The following MYCBP2 variants were observed in gnomAD, a reference collection of about 807,000 sequenced individuals.
MYCBP2 encodes the protein MYC binding protein 2, also known as E3 ubiquitin-protein ligase MYCBP2.
MYCBP2 carries 120 observed loss-of-function variants against 525.3 expected under a neutral mutation model. The ratio of observed to expected loss-of-function variants is 0.23; its 90% CI spans 0.20 to 0.27. The LOEUF (loss-of-function observed/expected upper bound fraction) is 0.27. Ranked by LOEUF, MYCBP2 falls within the 10% of genes least tolerant of loss-of-function variation. The probability of loss-of-function intolerance (pLI) is 1.00; values close to 1 mark genes in which losing one functional copy is unlikely to be tolerated. For synonymous variants in MYCBP2, 1,894 were observed against 1,955.8 expected (o/e 0.97, Z 0.83); for missense variants, 4,149 against 5,657.1 (o/e 0.73, Z 8.55).
At chr13:77,243,329 C>T (rs917882938) in intron 16 of MYCBP2, among the ~76,000 whole-genome samples, 169 bp from the exon 17 acceptor site, 6 of 152,188 alleles carry the variant, frequency 3.9e-5, no homozygotes, top group African/African-American at 1.2e-4. Context: ...GAATCTCATT[C>T]TGGCTAGGCA....
chr13:77,110,500 C>A (rs1436482377), intron 55 of MYCBP2, among the ~76,000 whole-genome samples: 2 of 152,128 alleles, frequency 1.3e-5, no homozygotes, highest in Non-Finnish European at 2.9e-5. Flanking sequence ...TAATTTTGCC[C>A]TCTGCCTTGT....
intron 47 of MYCBP2, 56 bp from the exon 48 acceptor site, chr13:77,146,273 T>C: frequency 8.2e-7 from 1 of 1,219,558 alleles, no homozygotes; most frequent in Non-Finnish European, 1.2e-6. Flanking sequence ...ACATTCTCAA[T>C]TAACAGAGTA....
chr13:77,178,599 T>C (rs2059934526), intron 34 of MYCBP2, among the ~76,000 whole-genome samples: 1 of 152,248 alleles, frequency 6.6e-6, no homozygotes, highest in East Asian at 1.9e-4. Flanking sequence ...GAACTTACTT[T>C]GGGTTGAAAT....
In MYCBP2 at chr13:77,288,291, C is replaced by T; in HGVS notation, c.464G>A (p.Arg155His). 1 of 1,614,076 alleles carries T rather than the reference C, an allele frequency of 6.2e-7. No homozygotes were observed. The highest frequency in any genetic ancestry group is 8.5e-7 in the Non-Finnish European group (1 of 1,179,986). The stretch of plus-strand genomic sequence containing the variant: ...TTTCTGCCATTCCAGAACGCAATGG[C>T]GTACATTACAGTAAATATTGAAAGC... ...PSAFNIYCNV[R>H]HCVLEWQKKE... Residue 155 changes from arginine (R) to histidine (H), a missense_variant, in exon 3 of 83, where the codon CGC (arginine) becomes CAC (histidine). Physicochemically the swap from Arg to His is conservative, Grantham distance 29. This residue lies in a region of MYCBP2 where 413 missense variants were observed against 451.2 expected (regional missense o/e 0.92). Transcript: ENST00000544440.
intron 15 of MYCBP2, among the ~76,000 whole-genome samples, chr13:77,248,952 G>A (rs568318051): frequency 2.0e-5 from 3 of 152,112 alleles, no homozygotes; most frequent in East Asian, 1.9e-4. Context: ...AAGATGTTCC[G>A]ACATATGTGA....
At position 77,168,631 on chromosome 13, in the gene MYCBP2, A is replaced by G; in HGVS notation, c.5911T>C (p.Phe1971Leu). 6.2e-7 allele frequency: 1 copy of G among 1,614,176 alleles called. No individual in the cohort carries two copies. The highest frequency in any genetic ancestry group is 8.5e-7 in the Non-Finnish European group (1 of 1,180,026). ...GGAAGCAATTGTTGGACAAGGCCAA[A>G]GACTTCTACAGCCACCTAGTACACA... is the stretch of plus-strand genomic sequence containing the variant. ...AAIPKVAVEV[F>L]GLVQQLLPSV... The change falls in exon 40 of 83, where the codon TTT (phenylalanine) becomes CTT (leucine). Residue 1971 changes from phenylalanine (F) to leucine (L), a missense_variant. Physicochemically the swap from Phe to Leu is conservative, Grantham distance 22 (BLOSUM62 0). This residue lies in a region of MYCBP2 where 692 missense variants were observed against 852.7 expected (regional missense o/e 0.81). Transcript: ENST00000544440.
rs2060240542 is a variant in MYCBP2 at position 77,181,757 on chromosome 13, A to G, written c.4885T>C (p.Ser1629Pro). The G allele has an allele frequency of 6.2e-7, 1 of 1,614,120 alleles. No individual in the cohort carries two copies. The highest frequency in any genetic ancestry group is 8.5e-7 in the Non-Finnish European group (1 of 1,179,982). ...IVKQVSTEND[S>P]TLVHRFPLLV... ...AGGGGAAAACGATGAACTAGTGTTGAGTCGTTCTCTGTACTAACTTGTTTA... is the reference window on the plus strand; with the variant it reads ...AGGGGAAAACGATGAACTAGTGTTGGGTCGTTCTCTGTACTAACTTGTTTA... Residue 1629 changes from serine to proline, a missense_variant, in exon 33 of 83, where the codon TCA becomes CCA. Physicochemically the swap from Ser to Pro is moderately conservative, Grantham distance 74. Around this residue, in one of 21 missense-constraint regions of MYCBP2, gnomAD observed 292 missense variants for 330.5 expected, o/e 0.88. Transcript: ENST00000544440.
chr13:77,205,448 A>T (rs560544435), intron 25 of MYCBP2, 25 bp downstream of exon 25: 6 of 1,612,266 alleles, frequency 3.7e-6, no homozygotes, highest in Admixed American at 3.4e-5. Flanking sequence ...GTAAGACAAC[A>T]TTTCCTAAAC....
rs372223660 is a variant in MYCBP2 at position 77,070,627 on chromosome 13, C to T, written c.11904+4G>A. 8 of 1,597,604 alleles carry T rather than the reference C, an allele frequency of 5.0e-6. No individual in the cohort carries two copies. The highest frequency in any genetic ancestry group is 6.8e-6 in the Non-Finnish European group (8 of 1,169,770). On this transcript the variant is annotated splice_donor_region_variant and intron_variant, in intron 69 of 82. Coordinates refer to ENST00000544440, the MANE Select transcript of MYCBP2 (RefSeq NM_015057.5). ...TGAAGACAATGAAATAGCTGTTAAC[C>T]AACCTGTTTTTGTAAGTTAGTCAGC...
chr13:77,273,723 C>T (rs899433878), intron 4 of MYCBP2, 55 bp from the exon 5 acceptor site: 22 of 1,233,746 alleles, frequency 1.8e-5, no homozygotes, highest in African/African-American at 1.2e-4. Flanking sequence ...ACATTATATG[C>T]GTATATTTAT....
rs1210047645 is a variant in MYCBP2, at chr13:77,095,337, AC to A, written c.10199+20del. The A allele has an allele frequency of 6.2e-7, 1 of 1,611,998 alleles. No homozygotes were observed. Among genetic ancestry groups the A allele is most frequent in the South Asian group, 1.1e-5 (1 of 90,942 alleles). ...CTGTTAATCCAAAGGTGATTAAAAA[AC>A]AACAGCAAAATTTTATTACCTAGCT... On this transcript the variant is annotated intron_variant, in intron 58 of 82. Coordinates refer to ENST00000544440, the MANE Select transcript of MYCBP2 (RefSeq NM_015057.5).
chr13:77,063,850 T>C (rs893471303), intron 73 of MYCBP2, among the ~76,000 whole-genome samples: 1 of 152,190 alleles, frequency 6.6e-6, no homozygotes, highest in Non-Finnish European at 1.5e-5. Flanking sequence ...AAAGGATTAC[T>C]GTCAAAAATA....
At chr13:77,117,598 T>C (rs2050006332) in intron 55 of MYCBP2, among the ~76,000 whole-genome samples, 1 of 152,124 alleles carries the variant, frequency 6.6e-6, no homozygotes, top group Non-Finnish European at 1.5e-5. Context: ...CGAAAAATGG[T>C]ATACAAGCTG....
intron 65 of MYCBP2, chr13:77,080,671 G>A (rs1323714761): frequency 6.6e-6 from 1 of 152,384 alleles, no homozygotes; most frequent in Non-Finnish European, 1.5e-5. Flanking sequence ...GCTGGGTGCA[G>A]TGGCTCATGT....
At position 77,095,383 on chromosome 13, in the gene MYCBP2, A is replaced by G; in HGVS notation, c.10174T>C (p.Cys3392Arg). The change falls in exon 58 of 83, where the codon TGT becomes CGT. Residue 3392 changes from cysteine (C) to arginine (R), a missense_variant. By Grantham distance (180) the Cys-to-Arg change is radical. Around this residue, in one of 21 missense-constraint regions of MYCBP2, gnomAD observed 509 missense variants for 789.4 expected, o/e 0.64. Coordinates refer to ENST00000544440, the MANE Select transcript of MYCBP2 (RefSeq NM_015057.5). Reference protein sequence around the residue: ...ISEDLPVKMPCLYLQTLARHH... With the variant: ...ISEDLPVKMPRLYLQTLARHH... The stretch of plus-strand genomic sequence containing the variant: ...CTAGCTAATGTCTGCAGGTAGAGAC[A>G]AGGCATTTTCACAGGAAGATCCTCA... 6.2e-7 allele frequency: 1 copy of G among 1,613,404 alleles called. No homozygotes were observed. The highest frequency in any genetic ancestry group is 8.5e-7 in the Non-Finnish European group (1 of 1,179,654).
chr13:77,244,129 A>C (rs2069436783), intron 15 of MYCBP2, among the ~76,000 whole-genome samples, 178 bp from the exon 16 acceptor site: 1 of 152,242 alleles, frequency 6.6e-6, no homozygotes, highest in Non-Finnish European at 1.5e-5. Flanking sequence ...ATAGCAGAAT[A>C]ATTAAAAACA....
intron 22 of MYCBP2, 80 bp downstream of exon 22, chr13:77,211,876 T>G (rs2064060468): frequency 8.7e-7 from 1 of 1,150,124 alleles, no homozygotes; most frequent in Non-Finnish European, 1.3e-6. Context: ...AAAGTACATT[T>G]CATTAAAGGG....
intron 55 of MYCBP2, among the ~76,000 whole-genome samples, chr13:77,119,768 G>A (rs1457041894): frequency 6.6e-6 from 1 of 152,018 alleles, no homozygotes; most frequent in Non-Finnish European, 1.5e-5. Flanking sequence ...AGGATGGAGC[G>A]TGTGGCTATT....
intron 59 of MYCBP2, chr13:77,090,529 C>T: frequency 4.1e-6 from 1 of 241,072 alleles, no homozygotes. Context: ...TTCCAAGCTC[C>T]TTTTAGAATC....
Sources: gnomAD v4.1 joint callset for allele counts (sites outside exome capture counted in the v4.1 genomes callset) on GRCh38, gnomAD v4.1.1 for gene constraint, gnomAD v4.1.1 regional missense constraint, MANE v1.5 for transcripts, NCBI Gene and HGNC (gene_info 2026-07-23, HGNC 2026-07-21) for gene names.